ZNF333: variants seen among roughly 807,000 people sequenced by gnomAD.
ZNF333 encodes the protein zinc finger protein 333.
In ZNF333, 61 loss-of-function variants were observed where a neutral mutation model predicts 76.1. That is an observed-to-expected ratio of 0.80 (90% CI 0.65 to 0.99). The LOEUF (loss-of-function observed/expected upper bound fraction) is 0.99, where lower values mean the gene tolerates loss of function less well. Among genes scored for constraint, ZNF333 ranks in the 50% least tolerant of loss-of-function variants. The probability of loss-of-function intolerance (pLI) is 0.00; values close to 1 mark genes in which losing one functional copy is unlikely to be tolerated. For synonymous variants in ZNF333, 284 were observed against 305.0 expected (o/e 0.93, Z 0.72); for missense variants, 717 against 822.4 (o/e 0.87, Z 1.57).
intron 5 of ZNF333, among the ~76,000 whole-genome samples, chr19:14,703,136 C>T (rs888864735): frequency 2.8e-5 from 4 of 142,914 alleles, no homozygotes; most frequent in East Asian, 2.2e-4. Flanking sequence ...CCCCAGGGGG[C>T]GGAGCTTGCA....
At chr19:14,698,935 T>TATATATAGATATATATAC (rs1180611568) in intron 4 of ZNF333, among the ~76,000 whole-genome samples, 4 of 139,332 alleles carry the variant, frequency 2.9e-5, no homozygotes, top group African/African-American at 8.3e-5. Context: ...TATATATATA[T>TATATATAGATATATATAC]ACACACATAT....
chr19:14,695,677 G>A lies in ZNF333; in HGVS notation c.223+16G>A. On this transcript the variant is annotated intron_variant, in intron 4 of 11. Transcript: ENST00000292530. ...ACAGGTGTTGGTGAGTACCAGGCAGGCTGTGGATCCCCCGACCCCCCTGGT... is the reference window on the plus strand; with the variant it reads ...ACAGGTGTTGGTGAGTACCAGGCAGACTGTGGATCCCCCGACCCCCCTGGT... 1 of 1,612,692 alleles carries A rather than the reference G, an allele frequency of 6.2e-7. No homozygotes were observed. Among genetic ancestry groups the A allele is most frequent in the Non-Finnish European group, 8.5e-7 (1 of 1,178,786 alleles).
intron 5 of ZNF333, among the ~76,000 whole-genome samples, chr19:14,699,949 G>C (rs1454686037): frequency 1.3e-5 from 2 of 151,996 alleles, no homozygotes; most frequent in Admixed American, 6.6e-5. Context: ...GCTCCCGGTG[G>C]GGAGGACCCC....
chr19:14,710,676 G>A (rs1047288417), intron 7 of ZNF333, among the ~76,000 whole-genome samples: 5 of 152,360 alleles, frequency 3.3e-5, no homozygotes, highest in African/African-American at 1.2e-4. Flanking sequence ...TACTTGGGAG[G>A]TTGAGGCAGG....
At chr19:14,703,392 C>G (rs1228753435) in intron 5 of ZNF333, among the ~76,000 whole-genome samples, 1 of 152,048 alleles carries the variant, frequency 6.6e-6, no homozygotes, top group African/African-American at 2.4e-5. Context: ...CCATATCAGC[C>G]CAGTACATAT....
At chr19:14,698,899 G>GATATAGAT (rs1973443005) in intron 4 of ZNF333, among the ~76,000 whole-genome samples, 1 of 132,710 alleles carries the variant, frequency 7.5e-6, no homozygotes, top group African/African-American at 2.8e-5. Flanking sequence ...CACAAATATA[G>GATATAGAT]ATATATATAT....
In ZNF333 at chr19:14,718,476, G is replaced by T; in HGVS notation, c.1149G>T (p.Arg383Ser). 6.2e-7 allele frequency: 1 copy of T among 1,614,184 alleles called. No homozygotes were observed. Among genetic ancestry groups the T allele is most frequent in the East Asian group, 2.2e-5 (1 of 44,876 alleles). Residue 383 changes from arginine to serine, a missense_variant, in exon 12 of 12, where the codon AGG (arginine) becomes AGT (serine). Coordinates refer to ENST00000292530, the MANE Select transcript of ZNF333 (RefSeq NM_032433.4). Reference sequence around the variant, plus strand: ...TCAGATACAGCTCTGACCTTATCAGGCATGAGAAGACTCATACTGCAGAGA... The same window carrying T: ...TCAGATACAGCTCTGACCTTATCAGTCATGAGAAGACTCATACTGCAGAGA... ...KSFRYSSDLIRHEKTHTAEKC... is the reference protein window; with the variant it reads ...KSFRYSSDLISHEKTHTAEKC...
Position 14,718,990 on chromosome 19 carries a change from A to T in ZNF333, c.1663A>T (p.Thr555Ser). The change falls in exon 12 of 12, where the codon ACT (threonine) becomes TCT (serine). Residue 555 changes from threonine (T) to serine (S), a missense_variant. By Grantham distance (58) the Thr-to-Ser change is moderately conservative. Transcript: ENST00000292530. ...RLSTLKSHMRTHTGEKPYVCQ... is the reference protein window; with the variant it reads ...RLSTLKSHMRSHTGEKPYVCQ... ...TTCAACCCTGAAGAGTCACATGCGA[A>T]CTCACACTGGAGAGAAGCCCTATGT... is the stretch of plus-strand genomic sequence containing the variant. The T allele has an allele frequency of 6.2e-7, 1 of 1,614,060 alleles. No individual in the cohort carries two copies. The highest frequency in any genetic ancestry group is 8.5e-7 in the Non-Finnish European group (1 of 1,180,014).
intron 11 of ZNF333, among the ~76,000 whole-genome samples, chr19:14,728,678 C>T (rs2524363): frequency 0.36 from 55,156 of 151,992 alleles, 10,226 homozygotes; most frequent in Middle Eastern, 0.49. Flanking sequence ...CAAAAACTTC[C>T]ATGTGAATCC....
At chr19:14,698,325 G>A (rs1438051109) in intron 4 of ZNF333, among the ~76,000 whole-genome samples, 1 of 140,978 alleles carries the variant, frequency 7.1e-6, no homozygotes, top group Non-Finnish European at 1.5e-5. Flanking sequence ...AGTGAGCCGA[G>A]ATCATGCCAT....
chr19:14,729,079 G>C (rs2042651487), intron 11 of ZNF333, among the ~76,000 whole-genome samples: 1 of 152,174 alleles, frequency 6.6e-6, no homozygotes, highest in Non-Finnish European at 1.5e-5. Context: ...GTGACCGAGG[G>C]AACAGATGTG....
At chr19:14,693,611 G>C in intron 2 of ZNF333, 117 bp downstream of exon 2, 1 of 1,294,566 alleles carries the variant, frequency 7.7e-7, no homozygotes, top group Non-Finnish European at 1.1e-6. Flanking sequence ...AAAGGGAAGG[G>C]TGAGTGAGGA....
At chr19:14,706,908 A>G in intron 7 of ZNF333, 135 bp downstream of exon 7, 2 of 655,344 alleles carry the variant, frequency 3.1e-6, no homozygotes, top group Non-Finnish European at 5.0e-6. Context: ...GAGGATACAG[A>G]AGGCCTCTCT....
At chr19:14,691,098 CA>C (rs1238847801) in intron 1 of ZNF333, among the ~76,000 whole-genome samples, 2 of 152,180 alleles carry the variant, frequency 1.3e-5, no homozygotes, top group East Asian at 3.9e-4. Context: ...ATCTCAAAAA[CA>C]AAAACAACAA....
intron 7 of ZNF333, among the ~76,000 whole-genome samples, chr19:14,714,193 C>G (rs1366101079): frequency 6.6e-6 from 1 of 151,292 alleles, no homozygotes; most frequent in Non-Finnish European, 1.5e-5. Flanking sequence ...TGAATTGTGC[C>G]CCTCCAAAAA....
Position 14,719,383 on chromosome 19 carries a change from T to C in ZNF333, c.*58T>C, listed in dbSNP as rs1312856788. 3.4e-6 allele frequency: 5 copies of C among 1,482,024 alleles called. No homozygotes were observed. Among genetic ancestry groups the C allele is most frequent in the Non-Finnish European group, 4.5e-6 (5 of 1,106,722 alleles). The allele number at this position is 1,482,024 out of a possible 1,614,324, so 91.8% of individuals were successfully genotyped here. ...CTATGACTTTCCCTCGTAATACTCC[T>C]TTAGCTGCATCCTGTGTTTCAATGT... is the stretch of plus-strand genomic sequence containing the variant. On this transcript the variant is annotated 3_prime_UTR_variant, in exon 12 of 12. Transcript: ENST00000292530.
Position 14,720,657 on chromosome 19 carries a change from C to T in ZNF333, c.*1332C>T. 23 of 985,382 alleles carry T rather than the reference C, an allele frequency of 2.3e-5. No homozygotes were observed. The highest frequency in any genetic ancestry group is 2.8e-5 in the Non-Finnish European group (23 of 829,942). 61.0% of individuals were successfully genotyped at this position (985,382 alleles called of 1,614,324 possible). On this transcript the variant is annotated 3_prime_UTR_variant, in exon 12 of 12. Transcript: ENST00000292530. Reference sequence around the variant, plus strand: ...TATTTCACCTGAATATAATTCCTAACTGATGCACTTAGTATATGTCAGTTT... The same window carrying T: ...TATTTCACCTGAATATAATTCCTAATTGATGCACTTAGTATATGTCAGTTT...
intron 5 of ZNF333, chr19:14,700,119 C>T (rs8109329): frequency 0.056 from 8,579 of 152,288 alleles, 606 homozygotes; most frequent in African/African-American, 0.16. Flanking sequence ...ATCCTTCTAC[C>T]TCAGCCTCCC....
intron 11 of ZNF333, among the ~76,000 whole-genome samples, chr19:14,730,461 T>C (rs1183515908): frequency 6.6e-6 from 1 of 152,070 alleles, no homozygotes; most frequent in African/African-American, 2.4e-5. Context: ...CCTTCCTCTC[T>C]TTCTTTCACT....
Sources: gnomAD v4.1 joint callset for allele counts (sites outside exome capture counted in the v4.1 genomes callset) on GRCh38, gnomAD v4.1.1 for gene constraint, MANE v1.5 for transcripts, NCBI Gene and HGNC (gene_info 2026-07-23, HGNC 2026-07-21) for gene names.